STOML3: variants seen among roughly 807,000 people sequenced by gnomAD.
The protein encoded by STOML3 is stomatin-like protein 3.
In STOML3, 31 loss-of-function variants were observed where a neutral mutation model predicts 29.5. The observed-to-expected ratio is 1.05, with a 90% confidence interval of 0.79 to 1.42. STOML3 has a LOEUF of 1.42. Ranked by LOEUF, STOML3 falls within the 40% of genes most tolerant of loss-of-function variation. STOML3 has a pLI of 0.00. For synonymous variants in STOML3, 122 were observed against 139.8 expected, an observed-to-expected ratio of 0.87 and a Z score of 0.90; for missense variants, 380 against 363.0, an observed-to-expected ratio of 1.05 and a Z score of -0.38.
Position 38,973,841 on chromosome 13 carries a change from T to C in STOML3, c.230-1247A>G, listed in dbSNP as rs559740746. The stretch of plus-strand genomic sequence containing the variant: ...AGTTTTCTTATAATAAAGATACTTA[T>C]GTAACAGATTCAAGTAATAGATTTG... On this transcript the variant is annotated intron_variant, in intron 3 of 6. Transcript: ENST00000379631. Among the ~76,000 whole-genome samples, 16 of 152,334 alleles carry C rather than the reference T, an allele frequency of 1.1e-4. No homozygotes were observed. The South Asian group carries it at 2.5e-3, about 24-fold the overall frequency.
At chr13:38,968,890 T>A (rs1488110678) in intron 5 of STOML3, among the ~76,000 whole-genome samples, 1 of 152,142 alleles carries the variant, frequency 6.6e-6, no homozygotes, top group Non-Finnish European at 1.5e-5. Flanking sequence ...CAGGCAGCAA[T>A]GAACGGGTTT....
intron 1 of STOML3, among the ~76,000 whole-genome samples, chr13:38,979,552 C>A (rs1881203607): frequency 6.6e-6 from 1 of 152,084 alleles, no homozygotes; most frequent in South Asian, 2.1e-4. Context: ...TTACACTGTA[C>A]CCACCTTTCT....
intron 4 of STOML3, 80 bp downstream of exon 4, chr13:38,972,432 G>A: frequency 7.2e-7 from 1 of 1,393,790 alleles, no homozygotes; most frequent in Non-Finnish European, 1.0e-6. Flanking sequence ...GTTTAAAAGT[G>A]AACTATAAAA....
At chr13:38,989,860 G>A (rs1258707268) in intron 1 of STOML3, among the ~76,000 whole-genome samples, 1 of 151,752 alleles carries the variant, frequency 6.6e-6, no homozygotes, top group Non-Finnish European at 1.5e-5. Context: ...ATGTACTATG[G>A]CTTTTTTGGC....
In STOML3 at chr13:38,970,489, G is replaced by A. The variant is rs1054320192; in HGVS notation, c.313-101C>T. On this transcript the variant is annotated intron_variant, in intron 4 of 6. Transcript: ENST00000379631. ...AGCCATCCTCCACAGAAGGAGAGCA[G>A]TAACGACAACTCATGCTACAGTCAC... The A allele has an allele frequency of 1.8e-5, 17 of 967,140 alleles. No homozygotes were observed. In the African/African-American group the frequency reaches 2.7e-4, roughly 16 times the overall value. 59.9% of individuals were successfully genotyped at this position (967,140 alleles called of 1,614,324 possible). A position where few individuals can be genotyped will look rare whatever the true frequency, so the allele number is the denominator to read the frequency against.
At chr13:38,986,110 C>T (rs1225099631) in intron 1 of STOML3, among the ~76,000 whole-genome samples, 2 of 135,576 alleles carry the variant, frequency 1.5e-5, no homozygotes, top group Non-Finnish European at 3.0e-5. Context: ...GACATGATCT[C>T]GAGTCACTGC....
At chr13:38,988,811 A>G (rs1441325894) in intron 1 of STOML3, among the ~76,000 whole-genome samples, 1 of 143,526 alleles carries the variant, frequency 7.0e-6, no homozygotes, top group Non-Finnish European at 1.5e-5. Context: ...ATTATAGTAT[A>G]TAGTATATAT....
chr13:38,990,578 C>T, intron 1 of STOML3, 92 bp downstream of exon 1: 4 of 1,278,514 alleles, frequency 3.1e-6, no homozygotes, highest in Non-Finnish European at 4.4e-6. Flanking sequence ...GCAAATATAT[C>T]TCATACTTAC....
At chr13:38,988,535 T>TATATTTTATATCATATATTTTATATA (rs1868818356) in intron 1 of STOML3, among the ~76,000 whole-genome samples, 1 of 123,970 alleles carries the variant, frequency 8.1e-6, no homozygotes, top group Non-Finnish European at 1.6e-5. Flanking sequence ...TTATATATAA[T>TATATTTTATATCATATATTTTATATA]ATATTTTATA....
At chr13:38,985,500 T>C (rs7323843) in intron 1 of STOML3, among the ~76,000 whole-genome samples, 13,906 of 152,156 alleles carry the variant, frequency 0.091, 765 homozygotes, top group Admixed American at 0.13. Context: ...ATCATTCTTC[T>C]TTCTCCCCAT....
intron 1 of STOML3, among the ~76,000 whole-genome samples, chr13:38,988,719 A>C (rs1239603046): frequency 2.1e-5 from 3 of 140,734 alleles, no homozygotes; most frequent in African/African-American, 7.8e-5. Flanking sequence ...TGAAAAAATA[A>C]GTGACAACTG....
chr13:38,983,160 G>A (rs1881325105), intron 1 of STOML3, among the ~76,000 whole-genome samples: 1 of 152,040 alleles, frequency 6.6e-6, no homozygotes, highest in Non-Finnish European at 1.5e-5. Context: ...AAATGACTGA[G>A]ACCTGTCTCA....
chr13:38,984,020 C>A (rs759401138), intron 1 of STOML3, among the ~76,000 whole-genome samples: 1 of 151,738 alleles, frequency 6.6e-6, no homozygotes, highest in Non-Finnish European at 1.5e-5. Flanking sequence ...CTGGAGGCAT[C>A]CCCCCCCACA....
In STOML3 at chr13:38,966,867, GCCACCAATGC is replaced by G; in HGVS notation, c.824_833del (p.Gly275AlafsTer20). The G allele has an allele frequency of 1.2e-6, 2 of 1,613,652 alleles. No homozygotes were observed. Among genetic ancestry groups the G allele is most frequent in the Non-Finnish European group, 1.7e-6 (2 of 1,179,988 alleles). Reference sequence around the variant, plus strand: ...GCTTCTTGTGGTTATCATAGCTGACGCCACCAATGCCCTCTAGTATATTCATGGGCAGAGG... The same window carrying G: ...GCTTCTTGTGGTTATCATAGCTGACGCCTCTAGTATATTCATGGGCAGAGG... On this transcript the variant is annotated frameshift_variant, in exon 7 of 7. Transcript: ENST00000379631. LOFTEE classifies it high-confidence loss of function.
intron 1 of STOML3, among the ~76,000 whole-genome samples, chr13:38,977,445 A>G (rs1881120817): frequency 1.3e-5 from 2 of 152,230 alleles, no homozygotes; most frequent in Non-Finnish European, 2.9e-5. Flanking sequence ...CTCCTGGGCC[A>G]TACATTAACA....
intron 1 of STOML3, among the ~76,000 whole-genome samples, chr13:38,981,802 C>T (rs1881275897): frequency 6.6e-6 from 1 of 152,130 alleles, no homozygotes; most frequent in Non-Finnish European, 1.5e-5. Context: ...CTAGAGTACT[C>T]ATATGTGCTG....
At chr13:38,990,232 G>T (rs1193868507) in intron 1 of STOML3, among the ~76,000 whole-genome samples, 1 of 152,076 alleles carries the variant, frequency 6.6e-6, no homozygotes, top group African/African-American at 2.4e-5. Context: ...AATGTTTGAA[G>T]TTGGAGAAAA....
chr13:38,982,335 TTTA>T (rs1188171222), intron 1 of STOML3, among the ~76,000 whole-genome samples: 18 of 152,154 alleles, frequency 1.2e-4, no homozygotes, highest in Admixed American at 1.2e-3. Context: ...ATGTTTATTT[TTTA>T]TTGTTTCATT....
chr13:38,970,134 A>G, intron 5 of STOML3, 51 bp downstream of exon 5: 2 of 1,532,720 alleles, frequency 1.3e-6, no homozygotes, highest in Non-Finnish European at 1.8e-6. Context: ...ATCACTGATA[A>G]TTAAAATTAA....
Sources: allele counts gnomAD v4.1 joint callset (sites outside exome capture counted in the v4.1 genomes callset), GRCh38; gene constraint gnomAD v4.1.1; transcripts MANE v1.5; gene names NCBI Gene and HGNC (gene_info 2026-07-23, HGNC 2026-07-21).